The following LPIN1 variants were observed in gnomAD, a reference collection of about 807,000 sequenced individuals.
The protein encoded by LPIN1 is lipin 1.
Under a neutral mutation model 107.5 loss-of-function variants are expected in LPIN1, and 71 were observed. The ratio of observed to expected loss-of-function variants is 0.66; its 90% CI spans 0.55 to 0.80. The LOEUF (loss-of-function observed/expected upper bound fraction) is 0.80. LPIN1 is among the 30% of genes least tolerant of loss of function. The pLI is 0.00. For synonymous variants in LPIN1, 445 were observed against 452.6 expected (o/e 0.98, Z 0.21); for missense variants, 1,043 against 1,160.6 (o/e 0.90, Z 1.47).
In LPIN1 at chr2:11,786,098, G is replaced by A. The variant is rs745825962; in HGVS notation, c.1550-976G>A. 4.6e-5 allele frequency among the ~76,000 whole-genome samples: 7 copies of A among 152,068 alleles called. No homozygotes were observed. The highest frequency in any genetic ancestry group is 6.5e-5 in the Admixed American group (1 of 15,268). On this transcript the variant is annotated intron_variant, in intron 10 of 20. Coordinates refer to ENST00000674199, the MANE Select transcript of LPIN1 (RefSeq NM_001349206.2). The surrounding 1 kb of genome is among the most constrained non-coding windows in gnomAD (Gnocchi z 4.1). ...GGCAGCACTGACAAGGCTGGGCACCGTTATCTGAGTGTTATCTCATGGGGC... is the reference window on the plus strand; with the variant it reads ...GGCAGCACTGACAAGGCTGGGCACCATTATCTGAGTGTTATCTCATGGGGC...
chr2:11,766,768 CACAAACAAACAA>C (rs546814117), intron 2 of LPIN1, among the ~76,000 whole-genome samples: 97 of 78,766 alleles, frequency 1.2e-3, no homozygotes, highest in East Asian at 9.0e-3. Context: ...AAAAAACAAA[CACAAACAAACAA>C]ACAAACAAAC....
chr2:11,824,075 T>G (rs1682021927), intron 20 of LPIN1, among the ~76,000 whole-genome samples: 1 of 152,190 alleles, frequency 6.6e-6, no homozygotes, highest in Admixed American at 6.5e-5. Context: ...TCCTTAAAAC[T>G]GTGGCATAGT....
intron 1 of LPIN1, among the ~76,000 whole-genome samples, chr2:11,686,390 G>A (rs529150061): frequency 6.6e-6 from 1 of 152,308 alleles, no homozygotes; most frequent in African/African-American, 2.4e-5. Flanking sequence ...CAATCAAGAG[G>A]TGCTCTGTAG....
intron 14 of LPIN1, among the ~76,000 whole-genome samples, chr2:11,796,294 A>G (rs908091126): frequency 2.0e-5 from 3 of 152,160 alleles, no homozygotes; most frequent in Non-Finnish European, 4.4e-5. Context: ...GTGTTGCTCA[A>G]CCGTCACTGA....
At chr2:11,704,790 A>G (rs1432432348) in intron 1 of LPIN1, among the ~76,000 whole-genome samples, 1 of 152,154 alleles carries the variant, frequency 6.6e-6, no homozygotes, top group Non-Finnish European at 1.5e-5. Context: ...GCTCTGCTCC[A>G]TGGAGTTTCC....
At chr2:11,776,432 A>T (rs1034588693) in intron 6 of LPIN1, among the ~76,000 whole-genome samples, 1 of 144,232 alleles carries the variant, frequency 6.9e-6, no homozygotes, top group Admixed American at 7.0e-5. Context: ...AGATGATCAG[A>T]TTTTTTTTTT....
intron 1 of LPIN1, among the ~76,000 whole-genome samples, chr2:11,687,448 C>A (rs6432231): frequency 6.6e-6 from 1 of 151,962 alleles, no homozygotes; most frequent in Non-Finnish European, 1.5e-5. Context: ...GAGGGGCAGG[C>A]GGATGTGATA....
At chr2:11,823,802 C>G (rs1361402628) in intron 20 of LPIN1, among the ~76,000 whole-genome samples, 1 of 152,090 alleles carries the variant, frequency 6.6e-6, no homozygotes, top group African/African-American at 2.4e-5. Flanking sequence ...TTTGGGCATG[C>G]AAATAAAAGA....
Position 11,821,498 on chromosome 2 carries a change from C to CAGAGCT in LPIN1, c.2621+988_2621+993dup, listed in dbSNP as rs1172866667. Among the ~76,000 whole-genome samples, 4 of 152,126 alleles carry CAGAGCT rather than the reference C, an allele frequency of 2.6e-5. No individual in the cohort carries two copies. The East Asian group carries it at 7.7e-4, about 29-fold the overall frequency. Reference sequence around the variant, plus strand: ...TGCCATTGCACTCCAGCCTGGGCGACAGAGCTAGACTCTGTCTCAAAAAAC... The same window carrying CAGAGCT: ...TGCCATTGCACTCCAGCCTGGGCGACAGAGCTAGAGCTAGACTCTGTCTCAAAAAAC... On this transcript the variant is annotated intron_variant, in intron 20 of 20. Coordinates refer to ENST00000674199, the MANE Select transcript of LPIN1 (RefSeq NM_001349206.2).
intron 1 of LPIN1, among the ~76,000 whole-genome samples, chr2:11,752,725 C>T (rs1458648898): frequency 6.6e-6 from 1 of 152,060 alleles, no homozygotes; most frequent in Non-Finnish European, 1.5e-5. Flanking sequence ...GCCACCGCGC[C>T]CGGCCTCCAA....
Position 11,774,638 on chromosome 2 carries a change from C to T in LPIN1, c.722+893C>T, listed in dbSNP as rs899150429. 4.6e-5 allele frequency among the ~76,000 whole-genome samples: 7 copies of T among 152,168 alleles called. No individual in the cohort carries two copies. The highest frequency in any genetic ancestry group is 1.7e-4 in the African/African-American group (7 of 41,432). On this transcript the variant is annotated intron_variant, in intron 5 of 20. Transcript: ENST00000674199. This position sits in a 1 kb window ranked among gnomAD's most constrained non-coding sequence, Gnocchi z 4.4. ...TCGCTTCTGGTTCATGGTGCCAGCC[C>T]TTAGAAACTCTGGGTTCCTACCTGA...
chr2:11,724,094 T>C (rs1664361157), upstream of LPIN1: 1 of 152,384 alleles, frequency 6.6e-6, no homozygotes, highest in South Asian at 2.1e-4. Context: ...GTGGAGAAAT[T>C]TGATTTCGTG....
intron 19 of LPIN1, 149 bp from the exon 20 acceptor site, chr2:11,820,262 A>C: frequency 1.5e-6 from 1 of 647,910 alleles, no homozygotes; most frequent in Non-Finnish European, 2.8e-6. Flanking sequence ...ATAGTTTCCC[A>C]TCAAAGGATA....
At chr2:11,745,654 G>A (rs955263284), upstream of LPIN1, among the ~76,000 whole-genome samples, 1 of 152,244 alleles carries the variant, frequency 6.6e-6, no homozygotes, top group African/African-American at 2.4e-5. Flanking sequence ...AGGCTGCAGT[G>A]AACCGAGATT....
rs767874622 is a variant in LPIN1 at position 11,783,941 on chromosome 2, C to T, written c.1358+19C>T. 1.2e-6 allele frequency: 2 copies of T among 1,613,542 alleles called. No homozygotes were observed. Among genetic ancestry groups the T allele is most frequent in the Non-Finnish European group, 1.7e-6 (2 of 1,179,536 alleles). ...CCAAAAAGTAAAATTCCTGTTAATT[C>T]CTCACATCATTTCCTATAATCTGAA... On this transcript the variant is annotated intron_variant, in intron 9 of 20. Transcript: ENST00000674199.
intron 13 of LPIN1, among the ~76,000 whole-genome samples, chr2:11,793,465 TC>T (rs2148677903): frequency 6.6e-6 from 1 of 152,304 alleles, no homozygotes; most frequent in South Asian, 2.1e-4. Context: ...TTACTGTGGT[TC>T]CCCAGGGCTC....
chr2:11,773,920 A>G (rs1252970900), intron 5 of LPIN1, among the ~76,000 whole-genome samples, 175 bp downstream of exon 5: 2 of 152,242 alleles, frequency 1.3e-5, no homozygotes, highest in African/African-American at 4.8e-5. Context: ...TGTTCAGATC[A>G]TACACTTATA....
chr2:11,735,271 G>A (rs1665677154), intron 1 of LPIN1, among the ~76,000 whole-genome samples: 1 of 147,566 alleles, frequency 6.8e-6, no homozygotes, highest in Admixed American at 6.7e-5. Flanking sequence ...CAGCCCGGCT[G>A]ACAGAGTAAG....
At chr2:11,759,141 C>CTTTCTT (rs1553418412) in intron 1 of LPIN1, among the ~76,000 whole-genome samples, 2 of 83,376 alleles carry the variant, frequency 2.4e-5, no homozygotes, top group Non-Finnish European at 5.2e-5. Flanking sequence ...TCTTTTCTTT[C>CTTTCTT]TTTCTTTCTT....
Sources: allele counts gnomAD v4.1 joint callset (sites outside exome capture counted in the v4.1 genomes callset), GRCh38; gene constraint gnomAD v4.1.1; non-coding constraint Gnocchi (gnomAD v3.1); transcripts MANE v1.5; gene names NCBI Gene and HGNC (gene_info 2026-07-23, HGNC 2026-07-21).